Variants in CTNNA2 observed in about 807,000 individuals in gnomAD.
The protein encoded by CTNNA2 is catenin alpha 2.
A neutral mutation model predicts 101.0 loss-of-function variants in CTNNA2; 42 were observed. The observed-to-expected ratio is 0.42, with a 90% confidence interval of 0.32 to 0.54. CTNNA2 has a LOEUF of 0.54. Among genes scored for constraint, CTNNA2 ranks in the 20% least tolerant of loss-of-function variants. CTNNA2 has a pLI of 0.14. For synonymous variants in CTNNA2, 450 were observed against 456.4 expected, an observed-to-expected ratio of 0.99 and a Z score of 0.18; for missense variants, 871 against 1,223.1, an observed-to-expected ratio of 0.71 and a Z score of 4.29.
intron 7 of CTNNA2, among the ~76,000 whole-genome samples, chr2:80,134,965 G>A (rs1037363782): frequency 2.0e-5 from 3 of 152,118 alleles, no homozygotes; most frequent in African/African-American, 7.2e-5. Flanking sequence ...TTCTCTCAGT[G>A]CAGGTAATAT....
intron 2 of CTNNA2, among the ~76,000 whole-genome samples, chr2:79,251,555 A>T (rs1348072907): frequency 2.0e-5 from 3 of 152,174 alleles, no homozygotes; most frequent in African/African-American, 7.2e-5. Context: ...ATAAAAGAAC[A>T]TAGGGACCTC....
Position 80,589,429 on chromosome 2 carries a change from C to A in CTNNA2, c.2133C>A (p.Ile711=). The change falls in exon 15 of 19, where the codon ATC becomes ATA. Residue 711 remains isoleucine (I), a synonymous_variant. Transcript: ENST00000402739. ...VAKWDDSGND[I]IVLAKQMCMI... is the part of the protein sequence containing the mutation. ...AATGGGACGACAGCGGCAATGATAT[C>A]ATTGTACTGGCCAAGCAGATGTGTA... 1 of 1,614,106 alleles carries A rather than the reference C, an allele frequency of 6.2e-7. No homozygotes were observed. The highest frequency in any genetic ancestry group is 1.3e-5 in the African/African-American group (1 of 75,046).
intron 3 of CTNNA2, among the ~76,000 whole-genome samples, chr2:79,800,366 A>C (rs1676060048): frequency 6.6e-6 from 1 of 152,174 alleles, no homozygotes; most frequent in African/African-American, 2.4e-5. Flanking sequence ...AGATATGTAC[A>C]TTCCCACCTA....
chr2:80,438,282 C>T (rs919259469), intron 9 of CTNNA2, among the ~76,000 whole-genome samples: 1 of 152,122 alleles, frequency 6.6e-6, no homozygotes, highest in Admixed American at 6.5e-5. Context: ...CCTCATAGCT[C>T]CTTTGAACTT....
At chr2:79,261,083 G>A (rs1276600811) in intron 2 of CTNNA2, among the ~76,000 whole-genome samples, 3 of 152,134 alleles carry the variant, frequency 2.0e-5, no homozygotes, top group Non-Finnish European at 4.4e-5. Context: ...TGTAGATACA[G>A]AAGAGGCAGG....
chr2:80,246,137 A>G (rs756028573), intron 7 of CTNNA2, among the ~76,000 whole-genome samples: 2 of 152,088 alleles, frequency 1.3e-5, no homozygotes, highest in East Asian at 1.9e-4. Flanking sequence ...CTCTCTAAGT[A>G]GATTGGGCAC....
chr2:79,389,098 C>A (rs1678138300), intron 4 of CTNNA2, among the ~76,000 whole-genome samples: 1 of 152,266 alleles, frequency 6.6e-6, no homozygotes, highest in African/African-American at 2.4e-5. Context: ...ACACCATTAT[C>A]TTTTAAAGAA....
At chr2:79,801,025 G>A (rs1676113841) in intron 3 of CTNNA2, among the ~76,000 whole-genome samples, 1 of 152,186 alleles carries the variant, frequency 6.6e-6, no homozygotes, top group African/African-American at 2.4e-5. Context: ...ATCCAGATCT[G>A]TGCTTTTTGT....
chr2:79,482,700 A>G (rs1671121803), intron 4 of CTNNA2, among the ~76,000 whole-genome samples: 1 of 152,220 alleles, frequency 6.6e-6, no homozygotes, highest in South Asian at 2.1e-4. Context: ...AGGATTCACC[A>G]GCATTCAGTC....
chr2:80,086,284 G>A (rs1188350924), intron 7 of CTNNA2, among the ~76,000 whole-genome samples: 1 of 152,060 alleles, frequency 6.6e-6, no homozygotes, highest in African/African-American at 2.4e-5. Context: ...GGCAGTTAAA[G>A]TTCCTTCCTT....
At chr2:79,916,479 C>A (rs1686211011) in intron 7 of CTNNA2, among the ~76,000 whole-genome samples, 1 of 146,120 alleles carries the variant, frequency 6.8e-6, no homozygotes, top group Non-Finnish European at 1.5e-5. Context: ...ACTTCCCATG[C>A]AAAACTTTTG....
chr2:79,917,481 A>C (rs1187811307), intron 7 of CTNNA2, among the ~76,000 whole-genome samples: 1 of 152,226 alleles, frequency 6.6e-6, no homozygotes, highest in South Asian at 2.1e-4. Context: ...CCTCAAAAGA[A>C]ATATACATAG....
intron 2 of CTNNA2, among the ~76,000 whole-genome samples, chr2:79,250,239 A>G (rs1572998863): frequency 1.0e-5 from 1 of 97,912 alleles, no homozygotes; most frequent in African/African-American, 4.3e-5. Context: ...CTATTTAGGC[A>G]TTTCTATTGT....
At chr2:79,536,589 G>GTGTGTGTGTGTGTGTT (rs1266063947) in intron 1 of CTNNA2, among the ~76,000 whole-genome samples, 5 of 151,956 alleles carry the variant, frequency 3.3e-5, no homozygotes, top group African/African-American at 1.2e-4. Flanking sequence ...GTGTGTGTGT[G>GTGTGTGTGTGTGTGTT]TGTGTGTGTG....
chr2:80,191,561 C>T (rs557510645), intron 7 of CTNNA2, among the ~76,000 whole-genome samples: 1 of 152,224 alleles, frequency 6.6e-6, no homozygotes, highest in African/African-American at 2.4e-5. Flanking sequence ...CACTGGTTTC[C>T]AACTGGAAAT....
intron 3 of CTNNA2, among the ~76,000 whole-genome samples, chr2:79,331,973 G>C (rs1395191674): frequency 1.3e-5 from 2 of 152,132 alleles, no homozygotes; most frequent in African/African-American, 4.8e-5. Flanking sequence ...TCTGACCATA[G>C]GTTCTGTTTT....
chr2:79,811,354 C>T (rs1185073728), intron 3 of CTNNA2, among the ~76,000 whole-genome samples: 8 of 152,140 alleles, frequency 5.3e-5, no homozygotes, highest in Non-Finnish European at 1.0e-4. Flanking sequence ...TGATATGCTT[C>T]ACCCACTTTT....
intron 1 of CTNNA2, among the ~76,000 whole-genome samples, chr2:79,646,876 C>T (rs1300584961): frequency 2.6e-5 from 4 of 152,166 alleles, no homozygotes; most frequent in Non-Finnish European, 5.9e-5. Context: ...ATTCTAGGAG[C>T]TTTCTCATAG....
chr2:79,884,436 C>G (rs1683683983), intron 6 of CTNNA2, among the ~76,000 whole-genome samples: 1 of 152,166 alleles, frequency 6.6e-6, no homozygotes, highest in Non-Finnish European at 1.5e-5. Context: ...ACCTGAGTGT[C>G]TCCAGAGACT....
Sources: gnomAD v4.1 joint callset for allele counts (sites outside exome capture counted in the v4.1 genomes callset) on GRCh38, gnomAD v4.1.1 for gene constraint, MANE v1.5 for transcripts, NCBI Gene and HGNC (gene_info 2026-07-23, HGNC 2026-07-21) for gene names.